SMCO4: variants seen among roughly 807,000 people sequenced by gnomAD.
The protein encoded by SMCO4 is single-pass membrane and coiled-coil domain-containing protein 4.
Under a neutral mutation model 3.6 loss-of-function variants are expected in SMCO4, and 4 were observed. The ratio of observed to expected loss-of-function variants is 1.11; its 90% CI spans 0.54 to 2.53. SMCO4 has a LOEUF of 2.53. Among genes scored for constraint, SMCO4 ranks in the 30% most tolerant of loss-of-function variants. The probability of loss-of-function intolerance (pLI) is 0.02; values close to 1 mark genes in which losing one functional copy is unlikely to be tolerated. For missense variants in SMCO4, 70 were observed against 80.8 expected (o/e 0.87, Z 0.51); for synonymous variants, 36 against 35.3 (o/e 1.02, Z -0.07).
chr11:93,488,546 G>A (rs1948676853), intron 2 of SMCO4, among the ~76,000 whole-genome samples: 1 of 152,168 alleles, frequency 6.6e-6, no homozygotes, highest in African/African-American at 2.4e-5. Context: ...ATTGGAAATG[G>A]AGTGTGAAAA....
intron 1 of SMCO4, among the ~76,000 whole-genome samples, chr11:93,539,266 T>TAA (rs151130705): frequency 2.2e-4 from 30 of 139,356 alleles, no homozygotes; most frequent in Middle Eastern, 3.7e-3. Context: ...GACTCAAGGG[T>TAA]AAAAAAAAAA....
intron 1 of SMCO4, among the ~76,000 whole-genome samples, chr11:93,533,998 C>T (rs1481761989): frequency 6.6e-6 from 1 of 151,848 alleles, no homozygotes; most frequent in Non-Finnish European, 1.5e-5. Flanking sequence ...ACCAGCCTGG[C>T]CAACAAACAC....
intron 1 of SMCO4, among the ~76,000 whole-genome samples, chr11:93,527,642 G>A (rs1390233322): frequency 6.6e-6 from 1 of 151,926 alleles, no homozygotes; most frequent in East Asian, 1.9e-4. Context: ...AAATTTTTTT[G>A]TAGAGATGGG....
chr11:93,513,805 T>G (rs1206774390), intron 1 of SMCO4, among the ~76,000 whole-genome samples: 5 of 152,252 alleles, frequency 3.3e-5, no homozygotes, highest in African/African-American at 1.2e-4. Flanking sequence ...GGAATGCATT[T>G]TCCCAGACTG....
At chr11:93,496,732 G>A (rs1400242099) in intron 2 of SMCO4, among the ~76,000 whole-genome samples, 2 of 152,154 alleles carry the variant, frequency 1.3e-5, no homozygotes, top group African/African-American at 4.8e-5. Context: ...TCCAGCTTTG[G>A]GGTTAAGAAA....
At chr11:93,532,038 C>A (rs1796511855) in intron 1 of SMCO4, among the ~76,000 whole-genome samples, 1 of 152,138 alleles carries the variant, frequency 6.6e-6, no homozygotes, top group Admixed American at 6.5e-5. Flanking sequence ...TGTATAAAAC[C>A]AAGCTGTGCT....
At position 93,523,716 on chromosome 11, in the gene SMCO4, A is replaced by C. The variant is rs1949081046; in HGVS notation, c.-154+19560T>G. 2.6e-5 allele frequency among the ~76,000 whole-genome samples: 4 copies of C among 152,330 alleles called. No individual in the cohort carries two copies. The South Asian group carries it at 8.3e-4, about 32-fold the overall frequency. On this transcript the variant is annotated intron_variant, in intron 1 of 2. Coordinates refer to ENST00000298966, the MANE Select transcript of SMCO4 (RefSeq NM_020179.3). ...TTAAGTCTTTTCAAGATAATTATAC[A>C]ATCAGTGAAAGTGTGTGTGCTAAAA...
upstream of SMCO4, among the ~76,000 whole-genome samples, chr11:93,545,608 A>AAAAAG (rs1555081223): frequency 6.9e-6 from 1 of 144,780 alleles, no homozygotes; most frequent in Non-Finnish European, 1.5e-5. Context: ...AAAAAAAAAA[A>AAAAAG]AGAGAGAGAG....
At chr11:93,546,670 C>T (rs943756237), upstream of SMCO4, among the ~76,000 whole-genome samples, 2 of 152,168 alleles carry the variant, frequency 1.3e-5, no homozygotes, top group African/African-American at 4.8e-5. Context: ...CAGTTCTTTA[C>T]GCTGTTAGTT....
intron 1 of SMCO4, among the ~76,000 whole-genome samples, chr11:93,507,721 G>A (rs550216152): frequency 6.6e-6 from 1 of 152,264 alleles, no homozygotes; most frequent in Non-Finnish European, 1.5e-5. Flanking sequence ...GTCAAGTTCT[G>A]ATATAGTTTC....
At chr11:93,545,611 AG>A (rs1451576275), upstream of SMCO4, among the ~76,000 whole-genome samples, 37 of 143,530 alleles carry the variant, frequency 2.6e-4, no homozygotes, top group East Asian at 4.3e-3. Context: ...AAAAAAAAAG[AG>A]AGAGAGAGAG....
intron 1 of SMCO4, among the ~76,000 whole-genome samples, chr11:93,524,764 G>A (rs780220670): frequency 1.3e-5 from 2 of 152,190 alleles, no homozygotes; most frequent in Non-Finnish European, 2.9e-5. Context: ...TGCACACAGA[G>A]GAGGTGGTGC....
intron 1 of SMCO4, chr11:93,535,323 G>A: frequency 3.5e-6 from 2 of 576,194 alleles, no homozygotes; most frequent in South Asian, 2.2e-5. Context: ...CATGGTCCTT[G>A]AGGGTTTGGT....
At chr11:93,517,187 A>G (rs966503578) in intron 1 of SMCO4, among the ~76,000 whole-genome samples, 4 of 152,152 alleles carry the variant, frequency 2.6e-5, no homozygotes, top group Middle Eastern at 3.2e-3. Context: ...ATCTCCATCG[A>G]TGTGTGCTCA....
At chr11:93,535,752 GAAGA>G (rs1168348181) in intron 1 of SMCO4, 4 of 1,612,846 alleles carry the variant, frequency 2.5e-6, no homozygotes, top group Admixed American at 3.3e-5. Context: ...ATGGGCTGAA[GAAGA>G]GAGACAAAAA....
chr11:93,479,471 G>A (rs1215093272), intron 2 of SMCO4, among the ~76,000 whole-genome samples: 5 of 152,202 alleles, frequency 3.3e-5, no homozygotes, highest in Admixed American at 2.6e-4. Context: ...GCTGTGAGAG[G>A]GGCCTCCGCT....
At chr11:93,531,120 G>C (rs933885565) in intron 1 of SMCO4, among the ~76,000 whole-genome samples, 1 of 152,308 alleles carries the variant, frequency 6.6e-6, no homozygotes, top group Middle Eastern at 3.4e-3. Flanking sequence ...ATTAACATTT[G>C]AATGGGTAGA....
At chr11:93,514,748 T>C (rs558270845) in intron 1 of SMCO4, among the ~76,000 whole-genome samples, 34 of 152,278 alleles carry the variant, frequency 2.2e-4, no homozygotes, top group African/African-American at 7.5e-4. Flanking sequence ...TTCCCTTTAG[T>C]TGCAAATGGT....
intron 2 of SMCO4, among the ~76,000 whole-genome samples, chr11:93,493,589 A>G (rs540346758): frequency 6.6e-6 from 1 of 152,250 alleles, no homozygotes; most frequent in Admixed American, 6.5e-5. Flanking sequence ...CTCAATTTCC[A>G]GGGAATGATT....
Sources: allele counts gnomAD v4.1 joint callset (sites outside exome capture counted in the v4.1 genomes callset), GRCh38; gene constraint gnomAD v4.1.1; transcripts MANE v1.5; gene names NCBI Gene and HGNC (gene_info 2026-07-23, HGNC 2026-07-21).